Variants in NOL4 observed in about 807,000 individuals in gnomAD.
The protein encoded by NOL4 is cancer/testis antigen 125.
NOL4 carries 17 observed loss-of-function variants against 75.9 expected under a neutral mutation model. The observed-to-expected ratio is 0.22, with a 90% CI of 0.15 to 0.34. NOL4 has a LOEUF of 0.34. NOL4 is among the 10% of genes least tolerant of loss of function. The pLI, the probability that NOL4 is intolerant of heterozygous loss-of-function variation, is 1.00. For synonymous variants in NOL4, 292 were observed against 289.9 expected (o/e 1.01, Z -0.07); for missense variants, 614 against 793.5 (o/e 0.77, Z 2.72).
intron 1 of NOL4, among the ~76,000 whole-genome samples, chr18:34,203,540 A>T (rs1323464221): frequency 6.6e-6 from 1 of 151,966 alleles, no homozygotes; most frequent in African/African-American, 2.4e-5. Context: ...TAGCTTTGAA[A>T]ATTGTTACCA....
intron 1 of NOL4, among the ~76,000 whole-genome samples, chr18:34,219,489 T>A (rs2037147009): frequency 6.6e-6 from 1 of 152,228 alleles, no homozygotes; most frequent in African/African-American, 2.4e-5. Flanking sequence ...AAACTGCAAG[T>A]GTGATGTTTC....
At chr18:34,115,183 C>T (rs1405353098) in intron 2 of NOL4, among the ~76,000 whole-genome samples, 1 of 152,108 alleles carries the variant, frequency 6.6e-6, no homozygotes, top group Non-Finnish European at 1.5e-5. Flanking sequence ...CAGTGGGTCC[C>T]AGTAAGCACT....
At chr18:34,164,872 A>C (rs1379164802) in intron 1 of NOL4, among the ~76,000 whole-genome samples, 1 of 152,052 alleles carries the variant, frequency 6.6e-6, no homozygotes, top group Non-Finnish European at 1.5e-5. Context: ...GTGGATTAAG[A>C]AAATGTGGCA....
chr18:33,925,035 T>C (rs1034407994), intron 9 of NOL4, among the ~76,000 whole-genome samples: 5 of 152,204 alleles, frequency 3.3e-5, no homozygotes, highest in African/African-American at 4.8e-5. Flanking sequence ...ACACATTTCT[T>C]ACTTGTGTAA....
intron 1 of NOL4, chr18:34,221,234 C>G (rs111444662): frequency 1.3e-5 from 2 of 152,128 alleles, no homozygotes; most frequent in African/African-American, 4.8e-5. Flanking sequence ...TTCTTTAAAA[C>G]ATACATGATA....
At chr18:34,096,390 A>T (rs1043668611) in intron 4 of NOL4, among the ~76,000 whole-genome samples, 1 of 152,070 alleles carries the variant, frequency 6.6e-6, no homozygotes, top group Non-Finnish European at 1.5e-5. Context: ...CATTCTGTAT[A>T]TTCTAGTTTA....
chr18:33,989,216 A>T (rs1300947844), intron 6 of NOL4, among the ~76,000 whole-genome samples: 1 of 150,658 alleles, frequency 6.6e-6, no homozygotes, highest in Non-Finnish European at 1.5e-5. Context: ...AAAAAAAAAA[A>T]AAATCATTGG....
At chr18:34,057,398 C>T (rs2076875757) in intron 5 of NOL4, among the ~76,000 whole-genome samples, 1 of 152,152 alleles carries the variant, frequency 6.6e-6, no homozygotes, top group Non-Finnish European at 1.5e-5. Flanking sequence ...CATTGGGCTC[C>T]TAAGGTTAAG....
intron 6 of NOL4, among the ~76,000 whole-genome samples, chr18:34,010,668 C>T (rs1183468263): frequency 6.6e-6 from 1 of 151,810 alleles, no homozygotes; most frequent in East Asian, 1.9e-4. Context: ...TACTTTCCCA[C>T]CAATAGTATA....
intron 6 of NOL4, among the ~76,000 whole-genome samples, chr18:34,008,713 C>T (rs2074200887): frequency 6.6e-6 from 1 of 151,760 alleles, no homozygotes; most frequent in Admixed American, 6.6e-5. Flanking sequence ...TCATTTGATT[C>T]ACTGTTTTTG....
chr18:34,014,640 T>C lies in NOL4; in HGVS notation c.1056+4678A>G, dbSNP rs544883843. 2.0e-5 allele frequency among the ~76,000 whole-genome samples: 3 copies of C among 152,084 alleles called. No individual in the cohort carries two copies. The South Asian group carries it at 6.2e-4, about 32-fold the overall frequency. On this transcript the variant is annotated intron_variant, in intron 6 of 10. Transcript: ENST00000261592. ...CCTTAACACTTCCTCATGGGTCTCATTTTCCAAGCTCTTTATCATCATTTC... is the reference window on the plus strand; with the variant it reads ...CCTTAACACTTCCTCATGGGTCTCACTTTCCAAGCTCTTTATCATCATTTC...
intron 6 of NOL4, among the ~76,000 whole-genome samples, 195 bp from the exon 7 acceptor site, chr18:33,958,613 T>C (rs1370666688): frequency 6.6e-6 from 1 of 152,200 alleles, no homozygotes; most frequent in Admixed American, 6.6e-5. Flanking sequence ...CACGTCACAC[T>C]AGTTACATTG....
intron 2 of NOL4, among the ~76,000 whole-genome samples, chr18:34,117,459 G>A (rs1173212397): frequency 6.6e-6 from 1 of 152,166 alleles, no homozygotes; most frequent in African/African-American, 2.4e-5. Context: ...AATGCTCCCT[G>A]GTGTGAAGTT....
intron 1 of NOL4, among the ~76,000 whole-genome samples, chr18:34,174,139 T>C (rs940087955): frequency 1.3e-5 from 2 of 152,150 alleles, no homozygotes; most frequent in Non-Finnish European, 2.9e-5. Flanking sequence ...ATTCAATGAG[T>C]AGTGTCCTAC....
chr18:34,154,451 C>T (rs1600739221), intron 1 of NOL4, among the ~76,000 whole-genome samples: 1 of 151,904 alleles, frequency 6.6e-6, no homozygotes, highest in African/African-American at 2.4e-5. Context: ...AACATAGACT[C>T]GTGTTGCCTA....
chr18:34,000,753 A>G (rs1437816888), intron 6 of NOL4, among the ~76,000 whole-genome samples: 1 of 152,132 alleles, frequency 6.6e-6, no homozygotes, highest in South Asian at 2.1e-4. Flanking sequence ...AAAAATATCC[A>G]TATTATTAAT....
At chr18:33,995,254 T>C (rs761965691) in intron 6 of NOL4, among the ~76,000 whole-genome samples, 2 of 151,622 alleles carry the variant, frequency 1.3e-5, no homozygotes, top group African/African-American at 2.4e-5. Flanking sequence ...GCCAACTTTA[T>C]GTATGAATTG....
chr18:33,922,583 T>A (rs560117281), intron 9 of NOL4, among the ~76,000 whole-genome samples: 26 of 152,320 alleles, frequency 1.7e-4, no homozygotes, highest in African/African-American at 5.5e-4. Context: ...TGCATCTCAA[T>A]GGCCTGAAAG....
intron 6 of NOL4, among the ~76,000 whole-genome samples, chr18:33,977,339 T>C (rs994557928): frequency 2.6e-5 from 4 of 152,268 alleles, no homozygotes; most frequent in African/African-American, 9.6e-5. Flanking sequence ...AGGGACCCAA[T>C]GGGAGGCAAC....
Sources: allele counts gnomAD v4.1 joint callset (sites outside exome capture counted in the v4.1 genomes callset), GRCh38; gene constraint gnomAD v4.1.1; transcripts MANE v1.5; gene names NCBI Gene and HGNC (gene_info 2026-07-23, HGNC 2026-07-21).